The following WWOX variants were observed in gnomAD, a reference collection of about 807,000 sequenced individuals.
WWOX encodes the protein WW domain-containing oxidoreductase.
A neutral mutation model predicts 46.2 loss-of-function variants in WWOX; 69 were observed. The ratio of observed to expected loss-of-function variants is 1.49; its 90% CI spans 1.23 to 1.82. The LOEUF is 1.82. WWOX is among the 40% of genes most tolerant of loss of function. The probability of loss-of-function intolerance (pLI) is 0.00; values close to 1 mark genes in which losing one functional copy is unlikely to be tolerated. For missense variants in WWOX, 919 were observed against 542.6 expected (o/e 1.69, Z -6.89); for synonymous variants, 359 against 202.6 (o/e 1.77, Z -6.56).
intron 5 of WWOX, among the ~76,000 whole-genome samples, chr16:78,171,060 C>A (rs1358256321): frequency 2.6e-5 from 4 of 152,156 alleles, no homozygotes; most frequent in Non-Finnish European, 4.4e-5. Flanking sequence ...TGATTAGCAT[C>A]GGAAATAATG....
intron 8 of WWOX, among the ~76,000 whole-genome samples, chr16:78,813,642 G>A (rs1181641283): frequency 6.6e-6 from 1 of 151,972 alleles, no homozygotes; most frequent in Non-Finnish European, 1.5e-5. Context: ...TGTCTCCAAG[G>A]TCTTATCAAC....
chr16:78,933,461 G>A (rs2045667532), intron 8 of WWOX, among the ~76,000 whole-genome samples: 1 of 152,130 alleles, frequency 6.6e-6, no homozygotes, highest in African/African-American at 2.4e-5. Context: ...AACAAAAAAA[G>A]TCAAGATGTT....
intron 8 of WWOX, among the ~76,000 whole-genome samples, chr16:78,484,711 A>T (rs2084586191): frequency 6.6e-6 from 1 of 152,086 alleles, no homozygotes; most frequent in South Asian, 2.1e-4. Context: ...TCCTAGATAA[A>T]ATAATTCTCT....
chr16:78,698,117 G>A (rs1445897629), intron 8 of WWOX, among the ~76,000 whole-genome samples: 1 of 152,106 alleles, frequency 6.6e-6, no homozygotes, highest in Non-Finnish European at 1.5e-5. Context: ...CTCTCTCATT[G>A]GCATCTTGAG....
At chr16:78,726,328 G>A (rs550294673) in intron 8 of WWOX, among the ~76,000 whole-genome samples, 3 of 151,722 alleles carry the variant, frequency 2.0e-5, no homozygotes, top group African/African-American at 7.3e-5. Context: ...GGGGTCAAGT[G>A]ATCTTCCCCA....
chr16:78,131,845 A>T (rs1177100849), intron 4 of WWOX, among the ~76,000 whole-genome samples: 2 of 151,352 alleles, frequency 1.3e-5, no homozygotes, highest in Non-Finnish European at 2.9e-5. Flanking sequence ...CGGCCTCCCA[A>T]AGTGCTGGGA....
chr16:79,164,832 C>G (rs16949745), intron 8 of WWOX, among the ~76,000 whole-genome samples: 8,353 of 152,164 alleles, frequency 0.055, 590 homozygotes, highest in African/African-American at 0.16. Context: ...TTATGTAGCA[C>G]CAGCCCTGAA....
At chr16:78,847,247 T>G (rs924975056) in intron 8 of WWOX, among the ~76,000 whole-genome samples, 1 of 152,218 alleles carries the variant, frequency 6.6e-6, no homozygotes, top group African/African-American at 2.4e-5. Flanking sequence ...TTCTAGAACT[T>G]CTCAACAGAG....
intron 8 of WWOX, among the ~76,000 whole-genome samples, chr16:78,885,581 T>C (rs2044438273): frequency 6.6e-6 from 1 of 152,200 alleles, no homozygotes; most frequent in South Asian, 2.1e-4. Context: ...CATAGAGTTC[T>C]GCTAACCAAA....
At chr16:78,132,757 C>T (rs1331101904) in intron 4 of WWOX, among the ~76,000 whole-genome samples, 1 of 152,158 alleles carries the variant, frequency 6.6e-6, no homozygotes, top group Non-Finnish European at 1.5e-5. Flanking sequence ...CCCTGTAGCT[C>T]TGGGCTCTTC....
intron 6 of WWOX, among the ~76,000 whole-genome samples, chr16:78,408,123 C>T (rs2082592867): frequency 6.6e-6 from 1 of 152,100 alleles, no homozygotes; most frequent in Admixed American, 6.5e-5. Flanking sequence ...AAGTTGAAGA[C>T]AGTTTAAAGA....
chr16:78,544,203 G>A (rs748536755), intron 8 of WWOX, among the ~76,000 whole-genome samples: 2 of 152,114 alleles, frequency 1.3e-5, no homozygotes, highest in Non-Finnish European at 2.9e-5. Context: ...ATTTTGGTAG[G>A]AAATAGAGAA....
intron 8 of WWOX, among the ~76,000 whole-genome samples, chr16:78,908,446 A>C (rs370270628): frequency 6.6e-6 from 1 of 151,836 alleles, no homozygotes; most frequent in Non-Finnish European, 1.5e-5. Context: ...AGGCAGAGGC[A>C]GGAGAACTGC....
chr16:79,041,965 A>C (rs1286934885), intron 8 of WWOX, among the ~76,000 whole-genome samples: 1 of 152,024 alleles, frequency 6.6e-6, no homozygotes, highest in African/African-American at 2.4e-5. Flanking sequence ...ATGAATGGGA[A>C]GTTCACCCTG....
chr16:78,881,065 C>G (rs2044333631), intron 8 of WWOX, among the ~76,000 whole-genome samples: 2 of 147,358 alleles, frequency 1.4e-5, no homozygotes, highest in South Asian at 2.2e-4. Context: ...GATCACGGCT[C>G]ACTGCAACCT....
chr16:79,096,578 C>T (rs2049079004), intron 8 of WWOX, among the ~76,000 whole-genome samples: 1 of 152,166 alleles, frequency 6.6e-6, no homozygotes, highest in African/African-American at 2.4e-5. Context: ...TTTAAAACAG[C>T]AATCTTCCTT....
intron 8 of WWOX, among the ~76,000 whole-genome samples, chr16:79,044,370 G>A (rs755381702): frequency 2.6e-5 from 4 of 152,156 alleles, no homozygotes; most frequent in Non-Finnish European, 5.9e-5. Flanking sequence ...GGAGGTGATT[G>A]GGTCATGGGG....
intron 8 of WWOX, among the ~76,000 whole-genome samples, chr16:79,151,193 C>T (rs2050271833): frequency 6.6e-6 from 1 of 152,202 alleles, no homozygotes; most frequent in Non-Finnish European, 1.5e-5. Flanking sequence ...AGTGGCACCA[C>T]CTCTTAAACA....
At chr16:78,222,951 CT>C (rs1228148743) in intron 5 of WWOX, among the ~76,000 whole-genome samples, 1 of 152,164 alleles carries the variant, frequency 6.6e-6, no homozygotes, top group African/African-American at 2.4e-5. Flanking sequence ...CTTCCTTTTG[CT>C]CAAGGCTCAG....
Sources: gnomAD v4.1 joint callset for allele counts (sites outside exome capture counted in the v4.1 genomes callset) on GRCh38, gnomAD v4.1.1 for gene constraint, MANE v1.5 for transcripts, NCBI Gene and HGNC (gene_info 2026-07-23, HGNC 2026-07-21) for gene names.